Variants in GRIK2 observed in about 807,000 individuals in gnomAD.
The protein encoded by GRIK2 is glutamate receptor ionotropic, kainate 2.
A neutral mutation model predicts 100.3 loss-of-function variants in GRIK2; 32 were observed. The ratio of observed to expected loss-of-function variants is 0.32; its 90% CI spans 0.24 to 0.43. GRIK2 has a LOEUF of 0.43. Among genes scored for constraint, GRIK2 ranks in the 20% least tolerant of loss-of-function variants. GRIK2 has a pLI of 1.00. For missense variants in GRIK2, 843 were observed against 1,114.9 expected (o/e 0.76, Z 3.47); for synonymous variants, 417 against 389.4 (o/e 1.07, Z -0.83).
chr6:101,706,975 A>T (rs2128356280), intron 7 of GRIK2, among the ~76,000 whole-genome samples: 1 of 151,996 alleles, frequency 6.6e-6, no homozygotes, highest in East Asian at 1.9e-4. Context: ...TGCTAAGAAG[A>T]TATGGATTTT....
At chr6:101,586,929 C>G (rs1437708120) in intron 2 of GRIK2, among the ~76,000 whole-genome samples, 1 of 135,786 alleles carries the variant, frequency 7.4e-6, no homozygotes, top group Admixed American at 7.3e-5. Context: ...ATATCAAAAA[C>G]AGAAGAGTCA....
chr6:101,553,786 G>T (rs547583365), intron 2 of GRIK2, among the ~76,000 whole-genome samples: 1 of 152,322 alleles, frequency 6.6e-6, no homozygotes, highest in East Asian at 1.9e-4. Context: ...TAGAAAATTG[G>T]AAAGAGTCAG....
chr6:101,565,127 A>G (rs892475309), intron 2 of GRIK2, among the ~76,000 whole-genome samples: 5 of 152,120 alleles, frequency 3.3e-5, no homozygotes, highest in African/African-American at 7.2e-5. Context: ...AACACATTCC[A>G]TTTCGGTCTG....
At chr6:101,993,435 AT>A (rs1189912397) in intron 14 of GRIK2, 1 of 151,430 alleles carries the variant, frequency 6.6e-6, no homozygotes, top group Non-Finnish European at 1.5e-5. Context: ...CTATTAATTC[AT>A]TTTATTGAAA....
chr6:101,560,088 A>C (rs2128295267), intron 2 of GRIK2, among the ~76,000 whole-genome samples: 1 of 152,274 alleles, frequency 6.6e-6, no homozygotes, highest in East Asian at 1.9e-4. Flanking sequence ...GTTAGGAATT[A>C]GTTTTTAGAG....
At chr6:102,031,422 T>A (rs1195535031) in intron 14 of GRIK2, among the ~76,000 whole-genome samples, 1 of 146,560 alleles carries the variant, frequency 6.8e-6, no homozygotes, top group East Asian at 2.0e-4. Context: ...ATGAAAGTAA[T>A]TCAATACACA....
At chr6:101,513,525 C>G (rs570991857) in intron 2 of GRIK2, among the ~76,000 whole-genome samples, 1 of 152,222 alleles carries the variant, frequency 6.6e-6, no homozygotes, top group African/African-American at 2.4e-5. Flanking sequence ...AACAGCTTTG[C>G]AGGGGCATTT....
At chr6:101,583,276 T>A (rs1405038324) in intron 2 of GRIK2, among the ~76,000 whole-genome samples, 3 of 152,116 alleles carry the variant, frequency 2.0e-5, no homozygotes, top group African/African-American at 7.2e-5. Context: ...TGACACTTAA[T>A]GGATACCTAA....
rs952065036 is a variant in GRIK2 at position 101,627,113 on chromosome 6, G to C, written c.541+476G>C. On this transcript the variant is annotated intron_variant, in intron 4 of 16. Transcript: ENST00000369134. ...AATGTGTGTGTGTGTGCGTGTGTGTGTCTCTGTGTGTGTGTGTGTGTGTGT... is the reference window on the plus strand; with the variant it reads ...AATGTGTGTGTGTGTGCGTGTGTGTCTCTCTGTGTGTGTGTGTGTGTGTGT... Among the ~76,000 whole-genome samples the C allele has an allele frequency of 9.6e-3, 1,247 of 129,332 alleles. 9 individuals carry two copies. Among genetic ancestry groups the C allele is most frequent in the South Asian group, 0.039 (158 of 4,054 alleles). 84.8% of individuals were successfully genotyped at this position (129,332 alleles called of 152,430 possible). A position where few individuals can be genotyped will look rare whatever the true frequency, so the allele number is the denominator to read the frequency against.
In GRIK2 at chr6:101,709,421, T is replaced by C. The variant is rs114978828; in HGVS notation, c.951+23068T>C. ...CTTCTTTACCCTCATAGTCACCAAA[T>C]TGAGCATTCTCACTACTTTATTACT... On this transcript the variant is annotated intron_variant, in intron 7 of 16. Transcript: ENST00000369134. 6.8e-3 allele frequency among the ~76,000 whole-genome samples: 1,036 copies of C among 151,942 alleles called. 7 individuals carry two copies. The highest frequency in any genetic ancestry group is 0.023 in the African/African-American group (949 of 41,526).
chr6:101,952,458 G>C (rs549279539), intron 14 of GRIK2, among the ~76,000 whole-genome samples: 1 of 152,034 alleles, frequency 6.6e-6, no homozygotes, highest in East Asian at 1.9e-4. Context: ...TGCAATTGCA[G>C]AGTTGAATTA....
intron 4 of GRIK2, among the ~76,000 whole-genome samples, chr6:101,642,837 A>C (rs1318626848): frequency 1.3e-5 from 2 of 151,660 alleles, no homozygotes; most frequent in African/African-American, 4.8e-5. Flanking sequence ...TGGATATAAC[A>C]TCATTCCTAC....
At position 101,572,019 on chromosome 6, in the gene GRIK2, G is replaced by C. The variant is rs536974852; in HGVS notation, c.116-49930G>C. Among the ~76,000 whole-genome samples the C allele has an allele frequency of 3.3e-5, 5 of 152,154 alleles. No individual in the cohort carries two copies. The South Asian group carries it at 8.3e-4, about 25-fold the overall frequency. ...AGTGTTCTTATTGTCTGCTGCCAGAGTATATACTGTTACAGGCCAATCTTT... is the reference window on the plus strand; with the variant it reads ...AGTGTTCTTATTGTCTGCTGCCAGACTATATACTGTTACAGGCCAATCTTT... On this transcript the variant is annotated intron_variant, in intron 2 of 16. Transcript: ENST00000369134.
chr6:101,449,298 A>T (rs1043124362), intron 2 of GRIK2, among the ~76,000 whole-genome samples: 4 of 151,768 alleles, frequency 2.6e-5, no homozygotes, highest in Admixed American at 2.0e-4. Context: ...ATTTCATATT[A>T]TTCTGAATTT....
intron 7 of GRIK2, among the ~76,000 whole-genome samples, chr6:101,792,424 A>G (rs1779941636): frequency 6.6e-6 from 1 of 151,800 alleles, no homozygotes; most frequent in South Asian, 2.1e-4. Context: ...ATCTCTCAGC[A>G]TTTGCTTGTC....
chr6:101,711,761 A>C (rs183204240), intron 7 of GRIK2, among the ~76,000 whole-genome samples: 2 of 151,990 alleles, frequency 1.3e-5, no homozygotes, highest in East Asian at 3.9e-4. Context: ...CTAAACTGAA[A>C]GTATCATAAC....
intron 2 of GRIK2, among the ~76,000 whole-genome samples, chr6:101,430,247 A>G (rs1769302226): frequency 6.6e-6 from 1 of 152,236 alleles, no homozygotes; most frequent in Non-Finnish European, 1.5e-5. Flanking sequence ...AGTTCAATAC[A>G]AAGTCAAAAT....
chr6:101,942,095 G>A (rs2128475922), intron 14 of GRIK2, among the ~76,000 whole-genome samples: 1 of 151,888 alleles, frequency 6.6e-6, no homozygotes, highest in East Asian at 1.9e-4. Flanking sequence ...AGCTATGTTA[G>A]GTTAAAAAAA....
intron 2 of GRIK2, among the ~76,000 whole-genome samples, chr6:101,499,597 G>T (rs1385822771): frequency 6.6e-6 from 1 of 151,994 alleles, no homozygotes; most frequent in Non-Finnish European, 1.5e-5. Flanking sequence ...AGAAAGTTAA[G>T]TTTCCAGAAA....
Sources: allele counts gnomAD v4.1 joint callset (sites outside exome capture counted in the v4.1 genomes callset), GRCh38; gene constraint gnomAD v4.1.1; transcripts MANE v1.5; gene names NCBI Gene and HGNC (gene_info 2026-07-23, HGNC 2026-07-21).